Variants in PGBD5 observed in about 807,000 individuals in gnomAD.
The protein encoded by PGBD5 is piggyBac transposable element-derived protein 5.
Under a neutral mutation model 47.9 loss-of-function variants are expected in PGBD5, and 14 were observed. The ratio of observed to expected loss-of-function variants is 0.29; its 90% confidence interval spans 0.19 to 0.46. The LOEUF is 0.46. Ranked by LOEUF, PGBD5 falls within the 20% of genes least tolerant of loss-of-function variation. PGBD5 has a pLI of 1.00. For synonymous variants in PGBD5, 316 were observed against 306.3 expected, an observed-to-expected ratio of 1.03 and a Z score of -0.33; for missense variants, 635 against 716.0, an observed-to-expected ratio of 0.89 and a Z score of 1.29.
At chr1:230,354,539 A>G (rs1667605820) in intron 2 of PGBD5, among the ~76,000 whole-genome samples, 1 of 152,230 alleles carries the variant, frequency 6.6e-6, no homozygotes, top group Admixed American at 6.5e-5. Context: ...CAATTTTTTG[A>G]TAACATGATT....
chr1:230,416,875 C>T (rs754142886), intron 1 of PGBD5, among the ~76,000 whole-genome samples: 23 of 152,240 alleles, frequency 1.5e-4, no homozygotes, highest in Non-Finnish European at 3.1e-4. Context: ...GAAACTGAAA[C>T]CGGGGCAGGG....
At chr1:230,419,542 C>T (rs1386664883) in intron 1 of PGBD5, among the ~76,000 whole-genome samples, 1 of 151,778 alleles carries the variant, frequency 6.6e-6, no homozygotes, top group Non-Finnish European at 1.5e-5. Context: ...GACATGTATC[C>T]CCTGAGTCTA....
At chr1:230,413,367 G>T (rs927865733) in intron 1 of PGBD5, among the ~76,000 whole-genome samples, 3 of 152,016 alleles carry the variant, frequency 2.0e-5, no homozygotes, top group African/African-American at 7.3e-5. Context: ...AGGTATGGTG[G>T]CACACACCTG....
chr1:230,352,769 C>T (rs1667578198), intron 2 of PGBD5, among the ~76,000 whole-genome samples: 1 of 152,146 alleles, frequency 6.6e-6, no homozygotes, highest in Non-Finnish European at 1.5e-5. Context: ...CCATTTGGAA[C>T]TATTCAAGTG....
chr1:230,323,251 G>T lies in PGBD5; in HGVS notation c.*174C>A. The stretch of plus-strand genomic sequence containing the variant: ...CATGCTCTTCTTGGAATGCAAATGA[G>T]GACAGCAACCGTCCTCTGACCAGGT... On this transcript the variant is annotated 3_prime_UTR_variant, in exon 7 of 7. Transcript: ENST00000391860. This position sits in a 1 kb window ranked among gnomAD's most constrained non-coding sequence, Gnocchi z 4.1. The T allele has an allele frequency of 1.5e-6, 1 of 672,912 alleles. No homozygotes were observed. The highest frequency in any genetic ancestry group is 2.4e-6 in the Non-Finnish European group (1 of 409,092). 41.7% of individuals were successfully genotyped at this position (672,912 alleles called of 1,614,324 possible).
At chr1:230,421,138 A>G (rs1571867917) in intron 1 of PGBD5, among the ~76,000 whole-genome samples, 1 of 152,188 alleles carries the variant, frequency 6.6e-6, no homozygotes, top group East Asian at 1.9e-4. Flanking sequence ...ACAACTCGGG[A>G]CAGCAAGGAT....
rs897125686 is a variant in PGBD5, at chr1:230,421,710, T to C, written c.331+3888A>G. 2.6e-5 allele frequency among the ~76,000 whole-genome samples: 4 copies of C among 152,236 alleles called. No homozygotes were observed. In the East Asian group the frequency reaches 7.7e-4, roughly 29 times the overall value. ...TGAATTCTGTGCAGCCACTGCAAGA[T>C]GACACACAGTCTTGCACTTGATTAC... On this transcript the variant is annotated intron_variant, in intron 1 of 6. Coordinates refer to ENST00000391860, the MANE Select transcript of PGBD5 (RefSeq NM_001258311.2).
chr1:230,340,500 C>CA (rs1558194118), intron 3 of PGBD5, among the ~76,000 whole-genome samples: 1 of 152,016 alleles, frequency 6.6e-6, no homozygotes, highest in East Asian at 1.9e-4. Context: ...TACACTCAAG[C>CA]GGCTATTTCT....
At position 230,384,011 on chromosome 1, in the gene PGBD5, T is replaced by C. The variant is rs1298570771; in HGVS notation, c.332-26690A>G. On this transcript the variant is annotated intron_variant, in intron 1 of 6. Transcript: ENST00000391860. ...GGTGATGGAACCCAGAGAAACAGCG[T>C]GCTTGTCCCGTCCGTCCAAGCACAG... 3.3e-5 allele frequency among the ~76,000 whole-genome samples: 5 copies of C among 150,602 alleles called. No homozygotes were observed. In the South Asian group the frequency reaches 8.4e-4, roughly 25 times the overall value.
chr1:230,419,506 C>T (rs1266853299), intron 1 of PGBD5, among the ~76,000 whole-genome samples: 1 of 152,156 alleles, frequency 6.6e-6, no homozygotes, highest in Non-Finnish European at 1.5e-5. Flanking sequence ...CTCAGCATCA[C>T]ACAATATACC....
In PGBD5 at chr1:230,373,979, G is replaced by A. The variant is rs537370139; in HGVS notation, c.332-16658C>T. On this transcript the variant is annotated intron_variant, in intron 1 of 6. Transcript: ENST00000391860. ...TCACAGGTGTGAGCCACCACGCCTGGCCACAAGTGAGTTTTATAACAGCAA... is the reference window on the plus strand; with the variant it reads ...TCACAGGTGTGAGCCACCACGCCTGACCACAAGTGAGTTTTATAACAGCAA... Among the ~76,000 whole-genome samples, 7 of 152,176 alleles carry A rather than the reference G, an allele frequency of 4.6e-5. No individual in the cohort carries two copies. The East Asian group carries it at 1.3e-3, about 29-fold the overall frequency.
At chr1:230,413,057 A>G (rs989197976) in intron 1 of PGBD5, among the ~76,000 whole-genome samples, 3 of 152,194 alleles carry the variant, frequency 2.0e-5, no homozygotes, top group African/African-American at 7.2e-5. Flanking sequence ...TTTTCTCATC[A>G]ACATTATAAC....
At chr1:230,336,407 G>A (rs1228693934) in intron 4 of PGBD5, 1 of 152,242 alleles carries the variant, frequency 6.6e-6, no homozygotes, top group Non-Finnish European at 1.5e-5. Flanking sequence ...GACTGCTGCT[G>A]AGCAAACGGT....
At chr1:230,389,867 AT>A (rs2102731779) in intron 1 of PGBD5, among the ~76,000 whole-genome samples, 1 of 152,322 alleles carries the variant, frequency 6.6e-6, no homozygotes, top group South Asian at 2.1e-4. Context: ...GTTTGCAATG[AT>A]TTGGGATGGG....
At chr1:230,353,840 C>T (rs181689965) in intron 2 of PGBD5, among the ~76,000 whole-genome samples, 1 of 152,338 alleles carries the variant, frequency 6.6e-6, no homozygotes, top group East Asian at 1.9e-4. Context: ...AGCCGGAAAG[C>T]TGCGAATCCA....
rs143098598 is a variant in PGBD5, at chr1:230,412,094, G to A, written c.331+13504C>T. On this transcript the variant is annotated intron_variant, in intron 1 of 6. Coordinates refer to ENST00000391860, the MANE Select transcript of PGBD5 (RefSeq NM_001258311.2). ...TACATGGGTTATGTGGACAGAGATA[G>A]AGAAGGAGAAGGGAGGGAAATTCCA... 2.5e-3 allele frequency among the ~76,000 whole-genome samples: 388 copies of A among 152,280 alleles called. 3 individuals are homozygous for A. The highest frequency in any genetic ancestry group is 8.6e-3 in the African/African-American group (359 of 41,564).
intron 1 of PGBD5, among the ~76,000 whole-genome samples, chr1:230,362,660 C>A (rs6671405): frequency 1.3e-4 from 20 of 152,138 alleles, no homozygotes; most frequent in African/African-American, 3.9e-4. Context: ...GTCTCCCGAC[C>A]CCAGCTAAAG....
intron 1 of PGBD5, among the ~76,000 whole-genome samples, chr1:230,397,633 A>G (rs1249426381): frequency 6.6e-6 from 1 of 152,222 alleles, no homozygotes; most frequent in Non-Finnish European, 1.5e-5. Flanking sequence ...TAGCTCTGGG[A>G]TATTTTTCCC....
Position 230,329,121 on chromosome 1 carries a change from T to G in PGBD5, c.1274-3706A>C, listed in dbSNP as rs894770188. ...TACGCCATGCCCAGCTAATTTTTTT[T>G]TGGGGGGGGAGGTGGTATTTTTTGC... On this transcript the variant is annotated intron_variant, in intron 5 of 6. Coordinates refer to ENST00000391860, the MANE Select transcript of PGBD5 (RefSeq NM_001258311.2). Among the ~76,000 whole-genome samples, 105 of 139,614 alleles carry G rather than the reference T, an allele frequency of 7.5e-4. 1 individual carries two copies. The highest frequency in any genetic ancestry group is 2.5e-3 in the South Asian group (11 of 4,398). The allele number at this position is 139,614 out of a possible 152,430, so 91.6% of individuals were successfully genotyped here.
Sources: allele counts gnomAD v4.1 joint callset (sites outside exome capture counted in the v4.1 genomes callset), GRCh38; gene constraint gnomAD v4.1.1; non-coding constraint Gnocchi (gnomAD v3.1); transcripts MANE v1.5; gene names NCBI Gene and HGNC (gene_info 2026-07-23, HGNC 2026-07-21).